Variants in ASCC2 observed in about 807,000 individuals in gnomAD.
The protein encoded by ASCC2 is activating signal cointegrator 1 complex subunit 2, also known as ASC-1 complex subunit P100.
Under a neutral mutation model 93.5 loss-of-function variants are expected in ASCC2, and 42 were observed. The observed-to-expected ratio is 0.45, with a 90% confidence interval of 0.35 to 0.58. The LOEUF is 0.58. ASCC2 is among the 20% of genes least tolerant of loss of function. The pLI is 0.00. For synonymous variants in ASCC2, 364 were observed against 384.2 expected (o/e 0.95, Z 0.62); for missense variants, 859 against 977.6 (o/e 0.88, Z 1.62).
rs3838960 is a variant in ASCC2 at position 29,838,203 on chromosome 22, T to TGCC, written c.-46_-44dup. ...CTCGGCGGCTCCACCACCGGCTCTG[T>TGCC]GCCGCCGCCGCCGCCGCCGCCGCCG... On this transcript the variant is annotated 5_prime_UTR_variant, in exon 1 of 20. Transcript: ENST00000307790. 0.014 allele frequency: 6,348 copies of TGCC among 452,062 alleles called. 77 individuals carry two copies. The highest frequency in any genetic ancestry group is 0.025 in the African/African-American group (1,257 of 49,680). The allele number at this position is 452,062 out of a possible 1,614,324, so 28.0% of individuals were successfully genotyped here. A position where few individuals can be genotyped will look rare whatever the true frequency, so the allele number is the denominator to read the frequency against.
chr22:29,813,713 C>T (rs2147957017), intron 7 of ASCC2, among the ~76,000 whole-genome samples, 171 bp from the exon 8 acceptor site: 1 of 152,320 alleles, frequency 6.6e-6, no homozygotes. Flanking sequence ...TCTTCAGGAG[C>T]ACGATCTGGG....
Position 29,809,141 on chromosome 22 carries a change from A to AAAT in ASCC2, c.834-957_834-956insATT, listed in dbSNP as rs59722783. Among the ~76,000 whole-genome samples the AAAT allele has an allele frequency of 7.2e-3, 1,015 of 141,626 alleles. 41 individuals are homozygous for AAAT. Among genetic ancestry groups the AAAT allele is most frequent in the East Asian group, 0.015 (71 of 4,780 alleles). The allele number at this position is 141,626 out of a possible 152,430, so 92.9% of individuals were successfully genotyped here. ...TGTCTCAAAAAAAAAAAAAAAAAAA[A>AAAT]TTTAACATGAAAATCTCAACACAAT... On this transcript the variant is annotated intron_variant, in intron 8 of 19. Coordinates refer to ENST00000307790, the MANE Select transcript of ASCC2 (RefSeq NM_032204.5).
intron 5 of ASCC2, chr22:29,821,781 G>C (rs181023649): frequency 3.1e-6 from 1 of 319,392 alleles, no homozygotes; most frequent in Admixed American, 4.4e-5. Flanking sequence ...GATGACTTGA[G>C]GCCAGGAGTT....
intron 13 of ASCC2, among the ~76,000 whole-genome samples, chr22:29,803,016 G>A (rs1037312444): frequency 6.6e-6 from 1 of 151,846 alleles, no homozygotes; most frequent in African/African-American, 2.4e-5. Context: ...GGAGGCTGAG[G>A]CAGGTGGATC....
In ASCC2 at chr22:29,793,467, G is replaced by C. The variant is rs760876798; in HGVS notation, c.1812C>G (p.Ser604Arg). The change falls in exon 17 of 20, where the codon AGC becomes AGG. Residue 604 changes from serine (S) to arginine (R), a missense_variant. Ser to Arg is a moderately radical substitution (Grantham distance 110). Transcript: ENST00000307790. The stretch of plus-strand genomic sequence containing the variant: ...CGTAGTAGACACTGTGGTAGGGCAG[G>C]CTCTCGCCTGGCTGCAGTGGCACCT... Reference protein sequence around the residue: ...VEEVPLQPGESLPYHSVYYED... With the variant: ...VEEVPLQPGERLPYHSVYYED... The C allele has an allele frequency of 1.1e-5, 18 of 1,614,050 alleles. No individual in the cohort carries two copies. In the East Asian group the frequency reaches 3.6e-4, roughly 32 times the overall value.
At chr22:29,796,784 T>A (rs1186879253) in intron 15 of ASCC2, among the ~76,000 whole-genome samples, 1 of 152,132 alleles carries the variant, frequency 6.6e-6, no homozygotes, top group African/African-American at 2.4e-5. Flanking sequence ...GACACATATT[T>A]CCTAAGGGCC....
At chr22:29,804,323 T>C (rs553332636) in intron 13 of ASCC2, among the ~76,000 whole-genome samples, 3 of 152,298 alleles carry the variant, frequency 2.0e-5, no homozygotes, top group South Asian at 2.1e-4. Flanking sequence ...CTTTTATCTA[T>C]TTAGAGGAGA....
Position 29,793,450 on chromosome 22 carries a change from A to G in ASCC2, c.1829T>C (p.Val610Ala). The change falls in exon 17 of 20, where the codon GTC becomes GCC. Residue 610 changes from valine (V) to alanine (A), a missense_variant. Transcript: ENST00000307790. ...GTCATCGTACTCATCCTCGTAGTAG[A>G]CACTGTGGTAGGGCAGGCTCTCGCC... ...QPGESLPYHS[V>A]YYEDEYDDTY... 6.2e-7 allele frequency: 1 copy of G among 1,614,172 alleles called. No individual in the cohort carries two copies.
At chr22:29,795,035 G>A (rs1737294857) in intron 15 of ASCC2, among the ~76,000 whole-genome samples, 1 of 150,886 alleles carries the variant, frequency 6.6e-6, no homozygotes, top group Non-Finnish European at 1.5e-5. Flanking sequence ...AGCGATTCTC[G>A]TGCCTCAGGC....
intron 5 of ASCC2, among the ~76,000 whole-genome samples, chr22:29,817,635 G>T: frequency 6.6e-6 from 1 of 152,244 alleles, no homozygotes; most frequent in South Asian, 2.1e-4. Flanking sequence ...TCGCACTGGG[G>T]AGGCACCCTC....
chr22:29,804,487 A>T (rs2147747256), intron 13 of ASCC2, 151 bp downstream of exon 13: 1 of 853,600 alleles, frequency 1.2e-6, no homozygotes, highest in East Asian at 2.6e-5. Context: ...GGCAGCACAG[A>T]GCTGACCAGT....
At chr22:29,793,312 G>A in intron 17 of ASCC2, 48 bp downstream of exon 17, 2 of 1,607,358 alleles carry the variant, frequency 1.2e-6, no homozygotes, top group Non-Finnish European at 1.7e-6. Context: ...AGCCCCATGG[G>A]CCTGAGAGCT....
In ASCC2 at chr22:29,825,453, A is replaced by T. The variant is rs2037857808; in HGVS notation, c.240+169T>A. The T allele has an allele frequency of 8.6e-7, 1 of 1,164,326 alleles. No individual in the cohort carries two copies. Among genetic ancestry groups the T allele is most frequent in the Non-Finnish European group, 1.2e-6 (1 of 820,378 alleles). 72.1% of individuals were successfully genotyped at this position (1,164,326 alleles called of 1,614,324 possible). The stretch of plus-strand genomic sequence containing the variant: ...TTGACACTTTGAAAGGTGTGTAAAC[A>T]TTAAGATTGTGATACAAGACAGAGC... On this transcript the variant is annotated intron_variant, in intron 3 of 19. Transcript: ENST00000307790. The surrounding 1 kb of genome is among the most constrained non-coding windows in gnomAD (Gnocchi z 4.9).
At chr22:29,824,141 A>G (rs1329092616) in intron 4 of ASCC2, among the ~76,000 whole-genome samples, 1 of 152,130 alleles carries the variant, frequency 6.6e-6, no homozygotes, top group Non-Finnish European at 1.5e-5. Context: ...GGAAGCTATG[A>G]TTGCGCCACT....
rs931542074 is a variant in ASCC2 at position 29,822,196 on chromosome 22, C to T, written c.541+139G>A. ...TCATTTTGAGGTGACACTCATATAT[C>T]TGTTAAGCAATTTCCCAAGACTCCC... On this transcript the variant is annotated intron_variant, in intron 5 of 19. Coordinates refer to ENST00000307790, the MANE Select transcript of ASCC2 (RefSeq NM_032204.5). 3.6e-6 allele frequency: 4 copies of T among 1,118,418 alleles called. No individual in the cohort carries two copies. In the African/African-American group the frequency reaches 6.3e-5, roughly 17 times the overall value. 69.3% of individuals were successfully genotyped at this position (1,118,418 alleles called of 1,614,324 possible).
intron 2 of ASCC2, chr22:29,827,676 T>A: frequency 2.2e-6 from 1 of 460,528 alleles, no homozygotes; most frequent in Non-Finnish European, 4.5e-6. Flanking sequence ...CTCCTTGGTT[T>A]CCAAGCTTCC....
Position 29,825,038 on chromosome 22 carries a change from A to C in ASCC2, c.411+49T>G. 7 of 1,347,360 alleles carry C rather than the reference A, an allele frequency of 5.2e-6. No individual in the cohort carries two copies. Among genetic ancestry groups the C allele is most frequent in the Non-Finnish European group, 6.8e-6 (7 of 1,024,950 alleles). 83.5% of individuals were successfully genotyped at this position (1,347,360 alleles called of 1,614,324 possible). ...TTCCCAGGGGTGGAGAGCCCGGCACAGAGGTGTCGAGTATCGGGTGATGAC... is the reference window on the plus strand; with the variant it reads ...TTCCCAGGGGTGGAGAGCCCGGCACCGAGGTGTCGAGTATCGGGTGATGAC... On this transcript the variant is annotated intron_variant, in intron 4 of 19. Transcript: ENST00000307790. The surrounding 1 kb of genome is among the most constrained non-coding windows in gnomAD (Gnocchi z 4.9).
At chr22:29,829,174 CA>C (rs200530011) in intron 2 of ASCC2, among the ~76,000 whole-genome samples, 22 of 149,144 alleles carry the variant, frequency 1.5e-4, no homozygotes, top group East Asian at 1.2e-3. Flanking sequence ...GACTCCACCT[CA>C]AAAAAAAAAT....
intron 18 of ASCC2, among the ~76,000 whole-genome samples, chr22:29,790,846 A>T (rs879430326): frequency 1.3e-5 from 2 of 152,100 alleles, no homozygotes; most frequent in African/African-American, 2.4e-5. Context: ...GACAAATGGG[A>T]GTGGTGGGGA....
Sources: allele counts gnomAD v4.1 joint callset (sites outside exome capture counted in the v4.1 genomes callset), GRCh38; gene constraint gnomAD v4.1.1; non-coding constraint Gnocchi (gnomAD v3.1); transcripts MANE v1.5; gene names NCBI Gene and HGNC (gene_info 2026-07-23, HGNC 2026-07-21).